Variants in CAPN9 observed in about 807,000 individuals in gnomAD.
CAPN9 encodes calpain-9.
In CAPN9, 81 loss-of-function variants were observed where a neutral mutation model predicts 92.8. The observed-to-expected ratio is 0.87, with a 90% CI of 0.73 to 1.05. The LOEUF (loss-of-function observed/expected upper bound fraction) is 1.05. Ranked by LOEUF, CAPN9 falls within the 50% of genes least tolerant of loss-of-function variation. CAPN9 has a pLI of 0.00. For synonymous variants in CAPN9, 304 were observed against 328.0 expected, an observed-to-expected ratio of 0.93 and a Z score of 0.79; for missense variants, 848 against 866.2, an observed-to-expected ratio of 0.98 and a Z score of 0.26.
At chr1:230,769,134 G>A (rs1219615501) in intron 5 of CAPN9, 46 bp from the exon 6 acceptor site, 1 of 1,492,742 alleles carries the variant, frequency 6.7e-7, no homozygotes, top group South Asian at 1.1e-5. Context: ...AGCAGGGGAG[G>A]CTTGACTTAG....
intron 3 of CAPN9, among the ~76,000 whole-genome samples, chr1:230,761,709 C>G (rs771188192): frequency 6.6e-6 from 1 of 152,022 alleles, no homozygotes; most frequent in Non-Finnish European, 1.5e-5. Flanking sequence ...TCTTTCAACC[C>G]TTTTCTTTTT....
At chr1:230,766,904 C>T (rs1007326491) in intron 4 of CAPN9, among the ~76,000 whole-genome samples, 2 of 152,134 alleles carry the variant, frequency 1.3e-5, no homozygotes, top group Admixed American at 6.5e-5. Flanking sequence ...GACTCATTCA[C>T]TATCACAAGA....
chr1:230,751,584 ACAAAGAAAGAAAGAAAGAAAGAAAG>A (rs1558304423), intron 1 of CAPN9, among the ~76,000 whole-genome samples: 3 of 11,550 alleles, frequency 2.6e-4, no homozygotes, highest in African/African-American at 1.0e-3. Flanking sequence ...GAAGAAAGAA[ACAAAGAAAGAAAGAAAGAAAGAAAG>A]AGAAAGAAAG....
intron 18 of CAPN9, among the ~76,000 whole-genome samples, chr1:230,795,721 C>G (rs902353934): frequency 6.6e-6 from 1 of 151,950 alleles, no homozygotes; most frequent in African/African-American, 2.4e-5. Flanking sequence ...TGTGCCCGTG[C>G]GCTTCAGTGT....
Position 230,780,546 on chromosome 1 carries a change from A to G in CAPN9, c.1319A>G (p.His440Arg). ...CTGAACAAAGACTTCTTCAGATACC[A>G]CGCTTCTCGGGCCAGAAGCAAGACG... ...EHLNKDFFRYHASRARSKTFI... is the reference protein window; with the variant it reads ...EHLNKDFFRYRASRARSKTFI... Residue 440 changes from histidine (H) to arginine (R), a missense_variant, in exon 11 of 20, where the codon CAC (histidine) becomes CGC (arginine). His to Arg is a conservative substitution (Grantham distance 29, BLOSUM62 0). Transcript: ENST00000271971. 6.2e-7 allele frequency: 1 copy of G among 1,613,986 alleles called. No individual in the cohort carries two copies. Among genetic ancestry groups the G allele is most frequent in the Non-Finnish European group, 8.5e-7 (1 of 1,179,970 alleles).
chr1:230,771,936 C>G, intron 6 of CAPN9, 78 bp from the exon 7 acceptor site: 1 of 1,171,624 alleles, frequency 8.5e-7, no homozygotes, highest in Non-Finnish European at 1.3e-6. Context: ...GCTGGTCCAC[C>G]TGGAGCTCAT....
intron 11 of CAPN9, 32 bp downstream of exon 11, chr1:230,780,740 C>T: frequency 6.3e-7 from 1 of 1,577,972 alleles, no homozygotes; most frequent in Admixed American, 1.7e-5. Flanking sequence ...CAGAATCCCA[C>T]TTCTTTTAGT....
intron 17 of CAPN9, among the ~76,000 whole-genome samples, chr1:230,794,016 G>T (rs940569901): frequency 6.6e-6 from 1 of 152,122 alleles, no homozygotes; most frequent in Non-Finnish European, 1.5e-5. Context: ...TGCCGTGCAG[G>T]CTCCAGGGAC....
chr1:230,781,900 TGGC>T (rs1558108007), intron 11 of CAPN9, among the ~76,000 whole-genome samples: 1 of 152,226 alleles, frequency 6.6e-6, no homozygotes, highest in Admixed American at 6.5e-5. Flanking sequence ...TTCTTTCTCT[TGGC>T]TAAATAGATG....
rs28359637 is a variant in CAPN9, at chr1:230,763,479, T to C, written c.536+693T>C. ...ATTTATCTAGTCTAGGAACCTCATA[T>C]AAGTGGAACCAAGAAATTCATTTTT... On this transcript the variant is annotated intron_variant, in intron 4 of 19. Transcript: ENST00000271971. Among the ~76,000 whole-genome samples the C allele has an allele frequency of 5.7e-3, 863 of 152,312 alleles. 5 individuals are homozygous for C. The highest frequency in any genetic ancestry group is 0.022 in the South Asian group (108 of 4,828).
At chr1:230,777,661 G>C (rs28359677) in intron 8 of CAPN9, among the ~76,000 whole-genome samples, 2,428 of 152,116 alleles carry the variant, frequency 0.016, 77 homozygotes, top group African/African-American at 0.055. Flanking sequence ...ACTCCACTCA[G>C]CTATGAGTGT....
At chr1:230,760,990 C>CCA (rs1360616112) in intron 3 of CAPN9, among the ~76,000 whole-genome samples, 1 of 152,162 alleles carries the variant, frequency 6.6e-6, no homozygotes, top group African/African-American at 2.4e-5. Context: ...AATCCCCTGA[C>CCA]CCAGTCCTCT....
At chr1:230,780,915 G>C (rs1667175072) in intron 11 of CAPN9, among the ~76,000 whole-genome samples, 2 of 151,582 alleles carry the variant, frequency 1.3e-5, no homozygotes, top group South Asian at 2.1e-4. Flanking sequence ...GCCCAGGCTG[G>C]AGTGCAATGG....
intron 7 of CAPN9, among the ~76,000 whole-genome samples, chr1:230,772,870 G>T (rs1296994591): frequency 6.6e-6 from 1 of 151,546 alleles, no homozygotes; most frequent in Non-Finnish European, 1.5e-5. Context: ...TTCTGTGTGT[G>T]TCCCCACAGC....
At chr1:230,762,584 T>C in intron 3 of CAPN9, 69 bp from the exon 4 acceptor site, 1 of 1,569,388 alleles carries the variant, frequency 6.4e-7, no homozygotes, top group Non-Finnish European at 8.7e-7. Context: ...AGGATCAACA[T>C]TTACAAACAG....
At chr1:230,788,760 G>A (rs1459568741) in intron 13 of CAPN9, among the ~76,000 whole-genome samples, 1 of 152,142 alleles carries the variant, frequency 6.6e-6, no homozygotes, top group Admixed American at 6.5e-5. Context: ...GAAGGCAGTG[G>A]TGACCTCCCT....
intron 1 of CAPN9, among the ~76,000 whole-genome samples, chr1:230,751,537 GATAGA>G (rs1165116392): frequency 8.6e-5 from 11 of 127,698 alleles, no homozygotes; most frequent in African/African-American, 1.9e-4. Context: ...GAGAAAGAAA[GATAGA>G]AAAAAAGAAA....
In CAPN9 at chr1:230,771,998, T is replaced by A. The variant is rs200204564; in HGVS notation, c.790-16T>A. ...TATTTATCATTTCACACTTCCCTCA[T>A]GCTTTTCCCTTCTAGGTAAGCTTCC... On this transcript the variant is annotated splice_polypyrimidine_tract_variant and intron_variant, in intron 6 of 19. Coordinates refer to ENST00000271971, the MANE Select transcript of CAPN9 (RefSeq NM_006615.3). 1.3e-3 allele frequency: 2,133 copies of A among 1,610,750 alleles called. 2 individuals are homozygous for A. The highest frequency in any genetic ancestry group is 1.7e-3 in the Non-Finnish European group (1,960 of 1,176,832).
chr1:230,771,379 T>A (rs1376239590), intron 6 of CAPN9, among the ~76,000 whole-genome samples: 1 of 152,274 alleles, frequency 6.6e-6, no homozygotes, highest in African/African-American at 2.4e-5. Flanking sequence ...CCCTTGTCCC[T>A]GCTCCCAGGC....
Sources: allele counts gnomAD v4.1 joint callset (sites outside exome capture counted in the v4.1 genomes callset), GRCh38; gene constraint gnomAD v4.1.1; transcripts MANE v1.5; gene names NCBI Gene and HGNC (gene_info 2026-07-23, HGNC 2026-07-21).